The following EPB41L4B variants were observed in gnomAD, a reference collection of about 807,000 sequenced individuals.
EPB41L4B encodes erythrocyte membrane protein band 4.1 like 4B.
In EPB41L4B, 30 loss-of-function variants were observed where a neutral mutation model predicts 112.5. That is an observed-to-expected ratio of 0.27 (90% CI 0.20 to 0.36). The LOEUF is 0.36. Among genes scored for constraint, EPB41L4B ranks in the 10% least tolerant of loss-of-function variants. The pLI is 1.00. For synonymous variants in EPB41L4B, 408 were observed against 439.7 expected (o/e 0.93, Z 0.90); for missense variants, 1,024 against 1,133.3 (o/e 0.90, Z 1.38).
chr9:109,284,614 T>C (rs983653116), intron 1 of EPB41L4B, among the ~76,000 whole-genome samples: 2 of 152,220 alleles, frequency 1.3e-5, no homozygotes, highest in Non-Finnish European at 2.9e-5. Flanking sequence ...GGTCTTGCTA[T>C]GTTGCCCATG....
At chr9:109,307,085 T>C (rs987877372) in intron 1 of EPB41L4B, 1 of 193,290 alleles carries the variant, frequency 5.2e-6, no homozygotes, top group Non-Finnish European at 1.1e-5. Context: ...TGTCAGTAAA[T>C]GGATGCAACT....
intron 12 of EPB41L4B, among the ~76,000 whole-genome samples, chr9:109,252,175 G>A (rs1834813071): frequency 6.6e-6 from 1 of 152,190 alleles, no homozygotes; most frequent in Non-Finnish European, 1.5e-5. Context: ...AGCCACACCA[G>A]GGGGTCCCTC....
chr9:109,178,848 T>C (rs1831941934), intron 24 of EPB41L4B, among the ~76,000 whole-genome samples: 1 of 126,346 alleles, frequency 7.9e-6, no homozygotes, highest in South Asian at 2.5e-4. Flanking sequence ...ATTGAGGTAG[T>C]GGCACCAAAC....
intron 17 of EPB41L4B, among the ~76,000 whole-genome samples, chr9:109,208,263 C>T (rs1242602408): frequency 6.6e-6 from 1 of 152,136 alleles, no homozygotes; most frequent in Non-Finnish European, 1.5e-5. Context: ...GAGGACCTAC[C>T]AGAAGCCAGG....
intron 1 of EPB41L4B, among the ~76,000 whole-genome samples, chr9:109,281,991 ATATC>A (rs1836081400): frequency 6.6e-6 from 1 of 152,254 alleles, no homozygotes; most frequent in Non-Finnish European, 1.5e-5. Context: ...AACAACCCAA[ATATC>A]TATCAACTGA....
At chr9:109,309,112 A>C (rs984735544) in intron 1 of EPB41L4B, among the ~76,000 whole-genome samples, 2 of 152,200 alleles carry the variant, frequency 1.3e-5, no homozygotes, top group African/African-American at 4.8e-5. Flanking sequence ...ATTTGTTTAA[A>C]ATAATCAGGA....
intron 1 of EPB41L4B, among the ~76,000 whole-genome samples, chr9:109,305,633 A>T (rs1262146992): frequency 6.6e-6 from 1 of 150,776 alleles, no homozygotes; most frequent in East Asian, 2.0e-4. Flanking sequence ...ATCAAAATAA[A>T]AATAAAAGGC....
intron 1 of EPB41L4B, 34 bp downstream of exon 1, chr9:109,320,107 G>A (rs1837802783): frequency 2.1e-6 from 3 of 1,398,132 alleles, no homozygotes; most frequent in Admixed American, 6.6e-5. Context: ...AGGGGCGCGA[G>A]GTGCCAGTGC....
At chr9:109,265,606 G>A (rs1835374796) in intron 4 of EPB41L4B, among the ~76,000 whole-genome samples, 3 of 152,038 alleles carry the variant, frequency 2.0e-5, no homozygotes, top group Admixed American at 2.0e-4. Flanking sequence ...GACTGCAAAT[G>A]GTTAGAGGGG....
chr9:109,262,713 C>A (rs964110999), intron 6 of EPB41L4B, among the ~76,000 whole-genome samples: 1 of 152,164 alleles, frequency 6.6e-6, no homozygotes, highest in Non-Finnish European at 1.5e-5. Context: ...ATCCACCTGT[C>A]CAAATGCTTG....
At chr9:109,223,111 G>T (rs1833646313) in intron 15 of EPB41L4B, among the ~76,000 whole-genome samples, 1 of 152,140 alleles carries the variant, frequency 6.6e-6, no homozygotes, top group Non-Finnish European at 1.5e-5. Flanking sequence ...ACCCTGGACT[G>T]CCAGACAACC....
At chr9:109,247,149 C>T (rs1834587284) in intron 14 of EPB41L4B, among the ~76,000 whole-genome samples, 1 of 150,876 alleles carries the variant, frequency 6.6e-6, no homozygotes, top group East Asian at 1.9e-4. Context: ...TACAGATGTA[C>T]ACCACCGTGC....
chr9:109,318,025 T>C (rs1225200858), intron 1 of EPB41L4B, among the ~76,000 whole-genome samples: 1 of 152,160 alleles, frequency 6.6e-6, no homozygotes, highest in African/African-American at 2.4e-5. Flanking sequence ...AGTCCTAATA[T>C]CTAATAAATC....
At chr9:109,253,829 C>T (rs1434072713) in intron 11 of EPB41L4B, among the ~76,000 whole-genome samples, 2 of 152,348 alleles carry the variant, frequency 1.3e-5, no homozygotes, top group East Asian at 3.9e-4. Flanking sequence ...AGGTTTGATA[C>T]ATCTCATTAA....
chr9:109,180,116 C>A (rs559791017), intron 24 of EPB41L4B, among the ~76,000 whole-genome samples: 8 of 152,190 alleles, frequency 5.3e-5, no homozygotes, highest in Non-Finnish European at 8.8e-5. Context: ...TGCTTGCTTT[C>A]CGCATCCCAG....
intron 18 of EPB41L4B, among the ~76,000 whole-genome samples, chr9:109,204,981 T>G (rs1247796565): frequency 6.6e-6 from 1 of 152,188 alleles, no homozygotes; most frequent in Non-Finnish European, 1.5e-5. Context: ...CTCTAAACCA[T>G]GGATTCCCAA....
At chr9:109,306,607 A>AAAACAAAC (rs139011604) in intron 1 of EPB41L4B, among the ~76,000 whole-genome samples, 2 of 150,000 alleles carry the variant, frequency 1.3e-5, no homozygotes, top group East Asian at 2.0e-4. Flanking sequence ...AGCGAGCAAA[A>AAAACAAAC]AAACAAACAA....
At chr9:109,195,246 T>C (rs1208416623) in intron 20 of EPB41L4B, among the ~76,000 whole-genome samples, 2 of 151,940 alleles carry the variant, frequency 1.3e-5, no homozygotes, top group Admixed American at 1.3e-4. Flanking sequence ...AGCTCAAGAG[T>C]GTAGATACAA....
At chr9:109,285,081 G>C (rs1360163917) in intron 1 of EPB41L4B, among the ~76,000 whole-genome samples, 6 of 152,188 alleles carry the variant, frequency 3.9e-5, no homozygotes, top group Non-Finnish European at 8.8e-5. Context: ...TCCTGCAGCA[G>C]CAAATCTGCC....
Sources: allele counts gnomAD v4.1 joint callset (sites outside exome capture counted in the v4.1 genomes callset), GRCh38; gene constraint gnomAD v4.1.1; transcripts MANE v1.5; gene names NCBI Gene and HGNC (gene_info 2026-07-23, HGNC 2026-07-21).